The following PCNT variants were observed in gnomAD, a reference collection of about 807,000 sequenced individuals.
PCNT encodes the protein kendrin.
In PCNT, 319 loss-of-function variants were observed where a neutral mutation model predicts 380.4. The observed-to-expected ratio is 0.84, with a 90% CI of 0.77 to 0.92. PCNT has a LOEUF of 0.92. Ranked by LOEUF, PCNT falls within the 40% of genes least tolerant of loss-of-function variation. The pLI is 0.00. For missense variants in PCNT, 4,400 were observed against 4,255.3 expected (o/e 1.03, Z -0.95); for synonymous variants, 1,845 against 1,735.2 (o/e 1.06, Z -1.57).
In PCNT at chr21:46,324,179, TC is replaced by T. The variant is rs2083274577; in HGVS notation, c.-49del. 2.6e-6 allele frequency: 4 copies of T among 1,516,198 alleles called. No homozygotes were observed. The South Asian group carries it at 4.6e-5, about 18-fold the overall frequency. The allele number at this position is 1,516,198 out of a possible 1,614,324, so 93.9% of individuals were successfully genotyped here. On this transcript the variant is annotated 5_prime_UTR_variant, in exon 1 of 47. Coordinates refer to ENST00000359568, the MANE Select transcript of PCNT (RefSeq NM_006031.6). Reference sequence around the variant, plus strand: ...GGAGTGTAAATAGAGCGAAGGCTGCTCTGTGTCAGCCCCGTCACCGCCGGGC... The same window carrying T: ...GGAGTGTAAATAGAGCGAAGGCTGCTTGTGTCAGCCCCGTCACCGCCGGGC...
In PCNT at chr21:46,337,807, C is replaced by T. The variant is rs138862846; in HGVS notation, c.639+3039C>T. Among the ~76,000 whole-genome samples the T allele has an allele frequency of 7.6e-3, 1,156 of 151,900 alleles. 15 individuals are homozygous for T. Among genetic ancestry groups the T allele is most frequent in the African/African-American group, 0.027 (1,103 of 41,372 alleles). On this transcript the variant is annotated intron_variant, in intron 3 of 46. Coordinates refer to ENST00000359568, the MANE Select transcript of PCNT (RefSeq NM_006031.6). ...ATGTTGGTCAGGCTGATCTTGAACT[C>T]CCAACCTCAGGTGATCCGCCCCCAC...
At chr21:46,412,299 G>A (rs1000293706) in intron 28 of PCNT, among the ~76,000 whole-genome samples, 5 of 152,166 alleles carry the variant, frequency 3.3e-5, no homozygotes, top group Non-Finnish European at 7.4e-5. Context: ...TAAGCTTATC[G>A]TTTTAAGCTT....
chr21:46,398,942 C>T (rs1305725920), intron 24 of PCNT, among the ~76,000 whole-genome samples: 3 of 151,584 alleles, frequency 2.0e-5, no homozygotes, highest in Non-Finnish European at 4.4e-5. Flanking sequence ...GCCTCAGCCT[C>T]CCGAGTAGCT....
rs750718833 is a variant in PCNT, at chr21:46,427,724, C to G, written c.7423C>G (p.Arg2475Gly). 8 of 1,613,798 alleles carry G rather than the reference C, an allele frequency of 5.0e-6. No homozygotes were observed. In the East Asian group the frequency reaches 1.8e-4, roughly 36 times the overall value. Residue 2475 changes from arginine (R) to glycine (G), a missense_variant, in exon 34 of 47, where the codon CGA becomes GGA. Physicochemically the swap from Arg to Gly is moderately radical, Grantham distance 125. Coordinates refer to ENST00000359568, the MANE Select transcript of PCNT (RefSeq NM_006031.6). ...GATGCAGGGGGTTGAGCTGCAGCCC[C>G]GACTCAGTGGCTCAGATCTGGGGGG... ...QEMQGVELQPRLSGSDLGGHS... is the reference protein window; with the variant it reads ...QEMQGVELQPGLSGSDLGGHS...
rs12482652 is a variant in PCNT at position 46,425,188 on chromosome 21, C to T, written c.7180-643C>T. Among the ~76,000 whole-genome samples the T allele has an allele frequency of 3.9e-5, 6 of 152,194 alleles. No homozygotes were observed. The highest frequency in any genetic ancestry group is 2.0e-4 in the Admixed American group (3 of 15,282). On this transcript the variant is annotated intron_variant, in intron 32 of 46. Coordinates refer to ENST00000359568, the MANE Select transcript of PCNT (RefSeq NM_006031.6). This position sits in a 1 kb window ranked among gnomAD's most constrained non-coding sequence, Gnocchi z 4.2. ...TTCTCCATAGGGCCGTCTGCTTACC[C>T]CTCAGCCTCTCTGGCGAGACAGTCA...
intron 24 of PCNT, among the ~76,000 whole-genome samples, chr21:46,398,804 CT>C (rs940186027): frequency 1.4e-5 from 2 of 144,574 alleles, no homozygotes; most frequent in East Asian, 2.0e-4. Context: ...GTATTCCATT[CT>C]TTTTTTTTCT....
intron 38 of PCNT, 26 bp downstream of exon 38, chr21:46,432,241 T>C: frequency 6.3e-7 from 1 of 1,585,186 alleles, no homozygotes; most frequent in Non-Finnish European, 8.6e-7. Flanking sequence ...CGGCGGAGCG[T>C]CCACACCTAA....
chr21:46,412,821 T>G lies in PCNT; in HGVS notation c.5995-16T>G. 6.2e-7 allele frequency: 1 copy of G among 1,609,402 alleles called. No individual in the cohort carries two copies. The highest frequency in any genetic ancestry group is 1.1e-5 in the South Asian group (1 of 91,078). On this transcript the variant is annotated splice_polypyrimidine_tract_variant and intron_variant, in intron 28 of 46. Transcript: ENST00000359568. ...GCCTCCTGCATGCTCAGCTTTCCTC[T>G]GTCTCCTCTGTCAAGGGTGATCTGC...
intron 17 of PCNT, among the ~76,000 whole-genome samples, chr21:46,386,910 C>G (rs1174394167): frequency 6.6e-6 from 1 of 152,168 alleles, no homozygotes; most frequent in Non-Finnish European, 1.5e-5. Context: ...ATTGGCGTGT[C>G]CCCGCCCGAG....
chr21:46,416,430 C>G lies in PCNT; in HGVS notation c.6512C>G (p.Pro2171Arg), dbSNP rs1477965015. ...ATCAAAAATTGGGATTCCTTGATAC[C>G]AGATGAAATGCCAGATTCTCCCATT... ...DVIKNWDSLI[P>R]DEMPDSPIQE... is the part of the protein sequence containing the mutation. The change falls in exon 30 of 47, where the codon CCA becomes CGA. Residue 2171 changes from proline (P) to arginine (R), a missense_variant. Physicochemically the swap from Pro to Arg is moderately radical, Grantham distance 103. Coordinates refer to ENST00000359568, the MANE Select transcript of PCNT (RefSeq NM_006031.6). 2 of 1,614,058 alleles carry G rather than the reference C, an allele frequency of 1.2e-6. No individual in the cohort carries two copies. The highest frequency in any genetic ancestry group is 1.7e-5 in the Admixed American group (1 of 60,012).
Position 46,430,237 on chromosome 21 carries a change from G to T in PCNT, c.7913+5G>T, listed in dbSNP as rs747247084. 1.9e-6 allele frequency: 3 copies of T among 1,609,820 alleles called. No homozygotes were observed. Among genetic ancestry groups the T allele is most frequent in the South Asian group, 1.1e-5 (1 of 90,928 alleles). On this transcript the variant is annotated splice_donor_5th_base_variant and intron_variant, in intron 36 of 46. Transcript: ENST00000359568. ...GCAGGAGGTCCTCCAGCTGAGGTGC[G>T]CCTGATCCCCCTTCCTGGGACACTG...
At chr21:46,382,259 TG>T (rs1443967575) in intron 16 of PCNT, among the ~76,000 whole-genome samples, 2 of 146,872 alleles carry the variant, frequency 1.4e-5, no homozygotes, top group African/African-American at 5.0e-5. Flanking sequence ...CCATTCACGG[TG>T]TTGTGCATTC....
intron 43 of PCNT, 149 bp from the exon 44 acceptor site, chr21:46,442,348 G>A (rs182805445): frequency 5.2e-5 from 36 of 692,596 alleles, no homozygotes; most frequent in African/African-American, 5.1e-4. Context: ...TGCCAGGCCC[G>A]AGTCAACAGA....
At chr21:46,351,990 G>T (rs2084290635) in intron 9 of PCNT, among the ~76,000 whole-genome samples, 1 of 152,342 alleles carries the variant, frequency 6.6e-6, no homozygotes, top group Non-Finnish European at 1.5e-5. Flanking sequence ...TCTGCTCCAG[G>T]TGTCCCCTTA....
intron 15 of PCNT, among the ~76,000 whole-genome samples, chr21:46,376,500 G>A (rs988788833): frequency 3.3e-5 from 5 of 152,360 alleles, no homozygotes; most frequent in East Asian, 3.9e-4. Flanking sequence ...TGAGGAGCCC[G>A]TCCACTGTGT....
In PCNT at chr21:46,360,720, A is replaced by G. The variant is rs530086709; in HGVS notation, c.2155-2760A>G. ...TTTTTAGTAGAGACGGGGTTTCACCATGTTAGCCAGGATGGTCTCAATCTC... is the reference window on the plus strand; with the variant it reads ...TTTTTAGTAGAGACGGGGTTTCACCGTGTTAGCCAGGATGGTCTCAATCTC... On this transcript the variant is annotated intron_variant, in intron 13 of 46. Transcript: ENST00000359568. Among the ~76,000 whole-genome samples the G allele has an allele frequency of 1.2e-3, 182 of 149,074 alleles. 1 individual carries two copies. The highest frequency in any genetic ancestry group is 3.7e-3 in the East Asian group (18 of 4,864).
At chr21:46,404,458 A>G (rs78654337) in intron 27 of PCNT, among the ~76,000 whole-genome samples, 9,061 of 152,264 alleles carry the variant, frequency 0.06, 345 homozygotes, top group Non-Finnish European at 0.085. Context: ...GAGCAGCTCT[A>G]GGCACCGCAG....
chr21:46,373,567 G>A (rs1243595390), intron 15 of PCNT, among the ~76,000 whole-genome samples: 1 of 150,398 alleles, frequency 6.6e-6, no homozygotes, highest in Non-Finnish European at 1.5e-5. Context: ...AAGTAGCTGG[G>A]ACTACAGGCA....
At chr21:46,327,569 T>C (rs1350472400) in intron 2 of PCNT, among the ~76,000 whole-genome samples, 1 of 152,100 alleles carries the variant, frequency 6.6e-6, no homozygotes, top group Non-Finnish European at 1.5e-5. Flanking sequence ...CCTGGCCCTG[T>C]TTTATCTTTA....
Sources: allele counts gnomAD v4.1 joint callset (sites outside exome capture counted in the v4.1 genomes callset), GRCh38; gene constraint gnomAD v4.1.1; non-coding constraint Gnocchi (gnomAD v3.1); transcripts MANE v1.5; gene names NCBI Gene and HGNC (gene_info 2026-07-23, HGNC 2026-07-21).